PTPRT: variants seen among roughly 807,000 people sequenced by gnomAD.
The protein encoded by PTPRT is protein tyrosine phosphatase receptor type T, also known as receptor-type tyrosine-protein phosphatase T.
Under a neutral mutation model 176.8 loss-of-function variants are expected in PTPRT, and 56 were observed. The ratio of observed to expected loss-of-function variants is 0.32; its 90% confidence interval spans 0.26 to 0.40. The LOEUF (loss-of-function observed/expected upper bound fraction) is 0.40, where lower values mean the gene tolerates loss of function less well. Ranked by LOEUF, PTPRT falls within the 10% of genes least tolerant of loss-of-function variation. PTPRT has a pLI of 1.00. For synonymous variants in PTPRT, 783 were observed against 739.0 expected (o/e 1.06, Z -0.96); for missense variants, 1,540 against 1,908.2 (o/e 0.81, Z 3.60).
chr20:43,148,785 A>G (rs2014251738), intron 1 of PTPRT, among the ~76,000 whole-genome samples: 1 of 152,216 alleles, frequency 6.6e-6, no homozygotes, highest in Non-Finnish European at 1.5e-5. Context: ...ATATGCCTCA[A>G]AAATGTACTG....
At chr20:42,663,464 C>T (rs1269960714) in intron 7 of PTPRT, among the ~76,000 whole-genome samples, 2 of 152,058 alleles carry the variant, frequency 1.3e-5, no homozygotes, top group African/African-American at 2.4e-5. Flanking sequence ...TATGTGGCTT[C>T]GGCAGGGTGG....
intron 15 of PTPRT, among the ~76,000 whole-genome samples, chr20:42,225,920 T>C (rs2055998863): frequency 6.6e-6 from 1 of 152,244 alleles, no homozygotes. Flanking sequence ...GCCAAAGTGC[T>C]GGGATTAGAG....
At chr20:42,789,739 T>C (rs1174037559) in intron 3 of PTPRT, among the ~76,000 whole-genome samples, 2 of 152,130 alleles carry the variant, frequency 1.3e-5, no homozygotes, top group Non-Finnish European at 2.9e-5. Flanking sequence ...GAGGATAAAA[T>C]TGAAATATGT....
intron 1 of PTPRT, among the ~76,000 whole-genome samples, chr20:42,997,568 C>T (rs187215306): frequency 0.011 from 1,744 of 152,254 alleles, 47 homozygotes; most frequent in African/African-American, 0.039. Context: ...AGCTCTTCCA[C>T]TAAGCCCTGC....
chr20:42,709,779 T>C (rs552677574), intron 6 of PTPRT, among the ~76,000 whole-genome samples: 1 of 152,270 alleles, frequency 6.6e-6, no homozygotes, highest in South Asian at 2.1e-4. Context: ...TTGGAACGTC[T>C]TAGAGACTTG....
chr20:42,365,562 G>A (rs947728724), intron 9 of PTPRT, among the ~76,000 whole-genome samples: 12 of 151,982 alleles, frequency 7.9e-5, no homozygotes, highest in African/African-American at 2.7e-4. Flanking sequence ...TAGAGCAGGG[G>A]TGTCCGGTCT....
At chr20:42,880,407 T>C (rs1010697180) in intron 2 of PTPRT, among the ~76,000 whole-genome samples, 2 of 152,210 alleles carry the variant, frequency 1.3e-5, no homozygotes, top group Admixed American at 1.3e-4. Context: ...TGCAACCTGA[T>C]ATTCAACCCT....
chr20:42,957,613 C>G (rs912152639), intron 1 of PTPRT, among the ~76,000 whole-genome samples: 4 of 152,138 alleles, frequency 2.6e-5, no homozygotes, highest in African/African-American at 9.7e-5. Context: ...ACAAATGACA[C>G]AGGGTGAGGC....
intron 9 of PTPRT, among the ~76,000 whole-genome samples, chr20:42,363,911 C>T (rs1334336738): frequency 6.6e-6 from 1 of 152,094 alleles, no homozygotes; most frequent in East Asian, 1.9e-4. Context: ...GTCTTACTTC[C>T]AGGGCCTGGG....
At chr20:43,097,012 G>A (rs1001593785) in intron 1 of PTPRT, among the ~76,000 whole-genome samples, 2 of 152,214 alleles carry the variant, frequency 1.3e-5, no homozygotes, top group African/African-American at 4.8e-5. Context: ...AGGCCTCAGC[G>A]ACCATAAATC....
chr20:43,032,788 C>T (rs964803000), intron 1 of PTPRT, among the ~76,000 whole-genome samples: 3 of 152,074 alleles, frequency 2.0e-5, no homozygotes, highest in South Asian at 2.1e-4. Flanking sequence ...TTAGCCTGCC[C>T]GTAAAAAGTG....
chr20:43,067,427 C>A (rs1168683965), intron 1 of PTPRT, among the ~76,000 whole-genome samples: 1 of 152,050 alleles, frequency 6.6e-6, no homozygotes, highest in Non-Finnish European at 1.5e-5. Flanking sequence ...GTGAATGCAC[C>A]AAATGCCACT....
intron 6 of PTPRT, among the ~76,000 whole-genome samples, chr20:42,740,403 C>G (rs1230692592): frequency 1.3e-5 from 2 of 152,194 alleles, no homozygotes; most frequent in African/African-American, 4.8e-5. Context: ...CCACTTACCA[C>G]TGCCAGGGTC....
chr20:42,911,687 T>C (rs1978389631), intron 1 of PTPRT, among the ~76,000 whole-genome samples: 1 of 152,184 alleles, frequency 6.6e-6, no homozygotes, highest in Admixed American at 6.5e-5. Context: ...TCCAAATAAT[T>C]TGAGGAAAAT....
chr20:42,145,301 A>G (rs1473449274), intron 17 of PTPRT, among the ~76,000 whole-genome samples: 1 of 152,212 alleles, frequency 6.6e-6, no homozygotes, highest in Non-Finnish European at 1.5e-5. Flanking sequence ...GGAGTTCAAG[A>G]CCAGCCTGGT....
At chr20:42,947,037 C>T (rs565651268) in intron 1 of PTPRT, among the ~76,000 whole-genome samples, 102 of 152,272 alleles carry the variant, frequency 6.7e-4, no homozygotes, top group South Asian at 1.5e-3. Flanking sequence ...AGATTTCTGA[C>T]TGAGGTTGCA....
chr20:42,957,501 C>T (rs1344924095), intron 1 of PTPRT, among the ~76,000 whole-genome samples: 2 of 152,142 alleles, frequency 1.3e-5, no homozygotes, highest in African/African-American at 2.4e-5. Flanking sequence ...CCAGAGCATA[C>T]TTTCTCTCCT....
chr20:43,183,404 G>GA (rs1361942193), intron 1 of PTPRT, among the ~76,000 whole-genome samples: 3 of 152,114 alleles, frequency 2.0e-5, no homozygotes, highest in Non-Finnish European at 4.4e-5. Flanking sequence ...TACAGATGCA[G>GA]AAAAAAAGAT....
chr20:42,395,207 T>A (rs75676701), intron 9 of PTPRT, among the ~76,000 whole-genome samples: 10,354 of 152,110 alleles, frequency 0.068, 438 homozygotes, highest in African/African-American at 0.12. Flanking sequence ...ACCTCCACGC[T>A]CTCCTCACTC....
Sources: gnomAD v4.1 joint callset for allele counts (sites outside exome capture counted in the v4.1 genomes callset) on GRCh38, gnomAD v4.1.1 for gene constraint, MANE v1.5 for transcripts, NCBI Gene and HGNC (gene_info 2026-07-23, HGNC 2026-07-21) for gene names.